KAZN: variants seen among roughly 807,000 people sequenced by gnomAD.
KAZN encodes kazrin, periplakin interacting protein, also known as kazrin.
KAZN carries 40 observed loss-of-function variants against 87.4 expected under a neutral mutation model. That is an observed-to-expected ratio of 0.46 (90% CI 0.36 to 0.60). KAZN has a LOEUF of 0.60. Among genes scored for constraint, KAZN ranks in the 20% least tolerant of loss-of-function variants. KAZN has a pLI of 0.00. For synonymous variants in KAZN, 466 were observed against 458.3 expected, an observed-to-expected ratio of 1.02 and a Z score of -0.22; for missense variants, 898 against 1,073.9, an observed-to-expected ratio of 0.84 and a Z score of 2.29.
At chr1:14,456,531 G>T (rs966424854) in intron 2 of KAZN, among the ~76,000 whole-genome samples, 8 of 152,046 alleles carry the variant, frequency 5.3e-5, no homozygotes, top group Non-Finnish European at 8.8e-5. Context: ...TTGTATTATA[G>T]ATCTCACAGT....
At chr1:14,280,811 C>T (rs1015484841) in intron 2 of KAZN, among the ~76,000 whole-genome samples, 1 of 152,200 alleles carries the variant, frequency 6.6e-6, no homozygotes, top group Admixed American at 6.5e-5. Flanking sequence ...ACATATATGC[C>T]AGGCATTTTT....
intron 1 of KAZN, among the ~76,000 whole-genome samples, chr1:14,745,277 A>G (rs1644231330): frequency 6.6e-6 from 1 of 152,048 alleles, no homozygotes; most frequent in African/African-American, 2.4e-5. Context: ...AAAAAAAAAA[A>G]AGGAAAATCA....
At chr1:14,468,625 C>G (rs1302961183) in intron 2 of KAZN, among the ~76,000 whole-genome samples, 1 of 152,202 alleles carries the variant, frequency 6.6e-6, no homozygotes. Flanking sequence ...GGGAAGAACA[C>G]ATTTGCCCTG....
At chr1:14,212,378 C>T (rs1261187817) in intron 2 of KAZN, among the ~76,000 whole-genome samples, 2 of 150,684 alleles carry the variant, frequency 1.3e-5, no homozygotes, top group African/African-American at 2.4e-5. Context: ...TAAGTGATCA[C>T]AAATTTTCTT....
chr1:14,075,212 T>C (rs192906318), intron 1 of KAZN, among the ~76,000 whole-genome samples: 237 of 152,330 alleles, frequency 1.6e-3, no homozygotes, highest in African/African-American at 5.5e-3. Context: ...ACAAAAATCC[T>C]CAGTGCAATC....
chr1:13,912,013 C>T (rs1054989054), intron 1 of KAZN, among the ~76,000 whole-genome samples: 22 of 152,132 alleles, frequency 1.4e-4, no homozygotes, highest in South Asian at 4.2e-4. Context: ...CTCTGAACCA[C>T]GGCTTTTTAT....
At chr1:14,698,283 G>A (rs1347535046) in intron 1 of KAZN, among the ~76,000 whole-genome samples, 1 of 152,222 alleles carries the variant, frequency 6.6e-6, no homozygotes, top group Non-Finnish European at 1.5e-5. Context: ...CAGTTCAGGT[G>A]GGGGTGGGGA....
intron 2 of KAZN, among the ~76,000 whole-genome samples, chr1:14,270,415 TA>T (rs373485296): frequency 2.6e-5 from 4 of 152,238 alleles, no homozygotes; most frequent in African/African-American, 9.6e-5. Context: ...ATTCCCATCT[TA>T]GACACCTTGG....
chr1:13,942,533 C>A (rs1640971783), intron 1 of KAZN, among the ~76,000 whole-genome samples: 1 of 105,488 alleles, frequency 9.5e-6, no homozygotes, highest in Admixed American at 1.5e-4. Flanking sequence ...GGCGACAGAG[C>A]GAGACTCCGT....
chr1:14,372,643 T>C (rs1660586147), intron 2 of KAZN, among the ~76,000 whole-genome samples: 1 of 152,230 alleles, frequency 6.6e-6, no homozygotes, highest in South Asian at 2.1e-4. Flanking sequence ...AACGGGAATA[T>C]TCAGTCAGCA....
intron 1 of KAZN, among the ~76,000 whole-genome samples, chr1:14,729,284 G>A (rs1194840893): frequency 6.6e-6 from 1 of 152,228 alleles, no homozygotes; most frequent in Non-Finnish European, 1.5e-5. Context: ...CTATCTGGTT[G>A]TGTTCCTTGG....
chr1:14,134,588 T>C (rs1041259442), intron 1 of KAZN, among the ~76,000 whole-genome samples: 1 of 152,214 alleles, frequency 6.6e-6, no homozygotes, highest in Non-Finnish European at 1.5e-5. Context: ...GATCATTTTA[T>C]TGGTAGCAGT....
intron 1 of KAZN, among the ~76,000 whole-genome samples, chr1:14,086,744 A>G (rs528271650): frequency 6.6e-6 from 1 of 152,310 alleles, no homozygotes; most frequent in Non-Finnish European, 1.5e-5. Context: ...TTTTGTACAT[A>G]GTATGAGGGA....
chr1:15,060,370 G>A (rs1002452614), intron 6 of KAZN, 68 bp downstream of exon 6: 13 of 1,594,960 alleles, frequency 8.2e-6, no homozygotes, highest in African/African-American at 1.3e-5. Flanking sequence ...CGGGGGTGGC[G>A]GGGTGAAGCC....
chr1:14,101,666 ATTACT>A (rs879454970), intron 1 of KAZN, among the ~76,000 whole-genome samples: 23 of 152,208 alleles, frequency 1.5e-4, no homozygotes, highest in Non-Finnish European at 2.5e-4. Flanking sequence ...AAATTTGAAA[ATTACT>A]TTAAGTAGAA....
At chr1:14,220,570 A>G (rs896699666) in intron 2 of KAZN, among the ~76,000 whole-genome samples, 6 of 152,074 alleles carry the variant, frequency 3.9e-5, no homozygotes, top group African/African-American at 1.4e-4. Context: ...GGCAGGGTCT[A>G]CCCTCATTCC....
chr1:14,458,404 C>T (rs1667683623), intron 2 of KAZN, among the ~76,000 whole-genome samples: 1 of 152,168 alleles, frequency 6.6e-6, no homozygotes, highest in Admixed American at 6.5e-5. Flanking sequence ...AAAGTAATCG[C>T]AGTTTTATTT....
intron 1 of KAZN, among the ~76,000 whole-genome samples, chr1:14,758,350 A>G (rs55828424): frequency 0.096 from 14,645 of 151,796 alleles, 746 homozygotes; most frequent in East Asian, 0.15. Context: ...TTATTTATTT[A>G]TTTTTAGAGT....
At chr1:14,694,905 AG>A (rs893525035) in intron 1 of KAZN, among the ~76,000 whole-genome samples, 55 of 152,308 alleles carry the variant, frequency 3.6e-4, no homozygotes, top group African/African-American at 1.3e-3. Context: ...ACAGGGTGTT[AG>A]GGGAACATAT....
Sources: allele counts gnomAD v4.1 joint callset (sites outside exome capture counted in the v4.1 genomes callset), GRCh38; gene constraint gnomAD v4.1.1; transcripts MANE v1.5; gene names NCBI Gene and HGNC (gene_info 2026-07-23, HGNC 2026-07-21).